The following ADAMTS13 variants were observed in gnomAD, a reference collection of about 807,000 sequenced individuals.
ADAMTS13 encodes the protein ADAM metallopeptidase with thrombospondin type 1 motif 13.
A neutral mutation model predicts 155.1 loss-of-function variants in ADAMTS13; 110 were observed. The ratio of observed to expected loss-of-function variants is 0.71; its 90% CI spans 0.61 to 0.83. The LOEUF (loss-of-function observed/expected upper bound fraction) is 0.83. ADAMTS13 is among the 40% of genes least tolerant of loss of function. The pLI is 0.00. For synonymous variants in ADAMTS13, 758 were observed against 756.4 expected (o/e 1.00, Z -0.03); for missense variants, 1,707 against 1,891.7 (o/e 0.90, Z 1.81).
chr9:133,430,130 G>C lies in ADAMTS13; in HGVS notation c.987+29G>C, dbSNP rs587616629. ...AGTCTGCCGGCGGTGGCCTGGGATT[G>C]GCTGTGAGGTCCCTCCGCATCACCC... On this transcript the variant is annotated intron_variant, in intron 8 of 28. Coordinates refer to ENST00000355699, the MANE Select transcript of ADAMTS13 (RefSeq NM_139027.6). 7 of 1,560,530 alleles carry C rather than the reference G, an allele frequency of 4.5e-6. No individual in the cohort carries two copies. In the Admixed American group the frequency reaches 1.3e-4, roughly 28 times the overall value.
chr9:133,437,052 C>A, intron 12 of ADAMTS13, 97 bp downstream of exon 12: 2 of 1,461,024 alleles, frequency 1.4e-6, no homozygotes, highest in South Asian at 1.3e-5. Flanking sequence ...ATCCCTCCAG[C>A]ACTGGGCAAA....
upstream of ADAMTS13, among the ~76,000 whole-genome samples, chr9:133,417,324 G>A (rs1291076145): frequency 6.6e-6 from 1 of 152,174 alleles, no homozygotes; most frequent in African/African-American, 2.4e-5. Context: ...GCCTGGTTTC[G>A]GGATTTTAAG....
At chr9:133,416,070 A>G (rs1839578573) in intron 1 of ADAMTS13, among the ~76,000 whole-genome samples, 3 of 152,248 alleles carry the variant, frequency 2.0e-5, no homozygotes, top group Admixed American at 6.5e-5. Flanking sequence ...ACGTTTATGT[A>G]GCTCATGGTT....
At position 133,445,042 on chromosome 9, in the gene ADAMTS13, G is replaced by T; in HGVS notation, c.2600G>T (p.Gly867Val). The change falls in exon 20 of 29, where the codon GGC becomes GTC. Residue 867 changes from glycine to valine, a missense_variant. Gly to Val is a moderately radical substitution (Grantham distance 109). Coordinates refer to ENST00000355699, the MANE Select transcript of ADAMTS13 (RefSeq NM_139027.6). This position sits in a 1 kb window ranked among gnomAD's most constrained non-coding sequence, Gnocchi z 5.0. ...TGTGTCGGGATGTCATGTCCTCCAG[G>T]CTGGGGCCATGTGAGTGCCCTGGGC... is the stretch of plus-strand genomic sequence containing the variant. ...EPCVGMSCPP[G>V]WGHLDATSAG... is the part of the protein sequence containing the mutation. 6.2e-7 allele frequency: 1 copy of T among 1,612,954 alleles called. No homozygotes were observed. Among genetic ancestry groups the T allele is most frequent in the Non-Finnish European group, 8.5e-7 (1 of 1,179,934 alleles).
At position 133,433,503 on chromosome 9, in the gene ADAMTS13, C is replaced by G; in HGVS notation, c.1218C>G (p.Thr406=). The G allele has an allele frequency of 6.2e-7, 1 of 1,613,528 alleles. No homozygotes were observed. Among genetic ancestry groups the G allele is most frequent in the East Asian group, 2.2e-5 (1 of 44,878 alleles). The change falls in exon 10 of 29, where the codon ACC becomes ACG. Residue 406 remains threonine, a synonymous_variant. Transcript: ENST00000355699. ...GCTCCTGCGGAGGAGGTGTGGTCAC[C>G]AGGAGGCGGCAGTGCAACAACCCCA... ...CSRSCGGGVV[T]RRRQCNNPRP...
Position 133,441,807 on chromosome 9 carries a change from G to A in ADAMTS13, c.1969-592G>A, listed in dbSNP as rs1362580983. 2.0e-5 allele frequency among the ~76,000 whole-genome samples: 3 copies of A among 152,152 alleles called. No individual in the cohort carries two copies. The East Asian group carries it at 5.8e-4, about 29-fold the overall frequency. ...CCAGTTTCTTCCTGCCGACCCTACG[G>A]GCCTCAGCTCTGGCTCCAGAAGCAC... On this transcript the variant is annotated intron_variant, in intron 16 of 28. Transcript: ENST00000355699. The surrounding 1 kb of genome is among the most constrained non-coding windows in gnomAD (Gnocchi z 5.0).
rs1486562335 is a variant in ADAMTS13, at chr9:133,428,993, C to T, written c.824+222C>T. Among the ~76,000 whole-genome samples, 6 of 148,530 alleles carry T rather than the reference C, an allele frequency of 4.0e-5. No homozygotes were observed. In the East Asian group the frequency reaches 1.0e-3, roughly 26 times the overall value. ...CAGCCCGCTGGGCCGCCCGCGCCACCCCTCCCTACGTCCGTCCCCACCTCT... is the reference window on the plus strand; with the variant it reads ...CAGCCCGCTGGGCCGCCCGCGCCACTCCTCCCTACGTCCGTCCCCACCTCT... On this transcript the variant is annotated intron_variant, in intron 7 of 28. Coordinates refer to ENST00000355699, the MANE Select transcript of ADAMTS13 (RefSeq NM_139027.6).
Position 133,442,600 on chromosome 9 carries a change from C to G in ADAMTS13, c.2105-14C>G. 1 of 1,613,344 alleles carries G rather than the reference C, an allele frequency of 6.2e-7. No individual in the cohort carries two copies. The stretch of plus-strand genomic sequence containing the variant: ...CTGCAGGGAGGCGGCCTAGCCCTCC[C>G]TCTTCCCTCCCAGGGCTGCGCTGGG... On this transcript the variant is annotated splice_polypyrimidine_tract_variant and intron_variant, in intron 17 of 28. Transcript: ENST00000355699.
At chr9:133,416,078 G>A (rs1839579010) in intron 1 of ADAMTS13, among the ~76,000 whole-genome samples, 1 of 152,200 alleles carries the variant, frequency 6.6e-6, no homozygotes, top group Non-Finnish European at 1.5e-5. Context: ...GTAGCTCATG[G>A]TTTTGCAGGT....
rs144178018 is a variant in ADAMTS13, at chr9:133,442,726, C to T, written c.2217C>T (p.Leu739=). 1.7e-3 allele frequency: 2,703 copies of T among 1,612,830 alleles called. 2 individuals carry two copies. Among genetic ancestry groups the T allele is most frequent in the Non-Finnish European group, 2.1e-3 (2,500 of 1,179,946 alleles). ...QPPAWPEACV[L]EPCPPYWAVG... is the part of the protein sequence containing the mutation. ...CAGCGTGGCCAGAGGCCTGCGTGCT[C>T]GAACCCTGCCCTCCCTAGTGAGTGT... is the stretch of plus-strand genomic sequence containing the variant. Residue 739 remains leucine, a synonymous_variant, in exon 18 of 29, where the codon CTC becomes CTT. Coordinates refer to ENST00000355699, the MANE Select transcript of ADAMTS13 (RefSeq NM_139027.6).
rs1158328836 is a variant in ADAMTS13, at chr9:133,424,723, C to G, written c.330+245C>G. Reference sequence around the variant, plus strand: ...CTCAAGTCCCTTCACCTGGGGCCACCCTCAAGCCTGGCCTCTTCCCCAGTA... The same window carrying G: ...CTCAAGTCCCTTCACCTGGGGCCACGCTCAAGCCTGGCCTCTTCCCCAGTA... On this transcript the variant is annotated intron_variant, in intron 3 of 28. Coordinates refer to ENST00000355699, the MANE Select transcript of ADAMTS13 (RefSeq NM_139027.6). This position sits in a 1 kb window ranked among gnomAD's most constrained non-coding sequence, Gnocchi z 4.3. Among the ~76,000 whole-genome samples the G allele has an allele frequency of 3.3e-5, 5 of 152,162 alleles. No homozygotes were observed. The highest frequency in any genetic ancestry group is 7.3e-5 in the Non-Finnish European group (5 of 68,034).
rs1554796284 is a variant in ADAMTS13, at chr9:133,456,983, C to T, written c.3724+264C>T. ...ACATGGTCCACATCCTCAGTCAGTC[C>T]CTCAGGCCTCTGCCCCACACCCACC... On this transcript the variant is annotated intron_variant, in intron 27 of 28. Coordinates refer to ENST00000355699, the MANE Select transcript of ADAMTS13 (RefSeq NM_139027.6). The surrounding 1 kb of genome is among the most constrained non-coding windows in gnomAD (Gnocchi z 4.4). 1.7e-6 allele frequency: 1 copy of T among 593,052 alleles called. No homozygotes were observed. The highest frequency in any genetic ancestry group is 2.3e-5 in the Admixed American group (1 of 44,302). 36.7% of individuals were successfully genotyped at this position (593,052 alleles called of 1,614,324 possible).
rs1841368202 is a variant in ADAMTS13 at position 133,437,880 on chromosome 9, G to T, written c.1567G>T (p.Val523Leu). 6.2e-7 allele frequency: 1 copy of T among 1,613,612 alleles called. No individual in the cohort carries two copies. The change falls in exon 13 of 29, where the codon GTG (valine) becomes TTG (leucine). Residue 523 changes from valine (V) to leucine (L), a missense_variant. Physicochemically the swap from Val to Leu is conservative, Grantham distance 32 (BLOSUM62 1). This residue lies in a region of ADAMTS13 where 733 missense variants were observed against 749.6 expected (regional missense o/e 0.98). Coordinates refer to ENST00000355699, the MANE Select transcript of ADAMTS13 (RefSeq NM_139027.6). ...PREDGTLSLC[V>L]SGSCRTFGCD... ...GGAGGACGGGACCCTGAGCCTGTGT[G>T]TGTCGGGCAGCTGCAGGGTAGGCGT...
chr9:133,423,081 C>A lies in ADAMTS13; in HGVS notation c.106-20C>A. 2 of 1,612,706 alleles carry A rather than the reference C, an allele frequency of 1.2e-6. No homozygotes were observed. Among genetic ancestry groups the A allele is most frequent in the South Asian group, 2.2e-5 (2 of 91,054 alleles). Reference sequence around the variant, plus strand: ...CAGAGCCACTATGCCCGGCCCCATCCATCTCTTTTTGTCTTGCAGAGTTGT... The same window carrying A: ...CAGAGCCACTATGCCCGGCCCCATCAATCTCTTTTTGTCTTGCAGAGTTGT... On this transcript the variant is annotated intron_variant, in intron 1 of 28. Coordinates refer to ENST00000355699, the MANE Select transcript of ADAMTS13 (RefSeq NM_139027.6).
Position 133,459,338 on chromosome 9 carries a change from A to G in ADAMTS13, c.*158A>G. On this transcript the variant is annotated 3_prime_UTR_variant, in exon 29 of 29. Transcript: ENST00000355699. ...GGGGTTGGAGGTGGGGACTCTGGAA[A>G]AGCAGCCCCCATTTCCTCGGGTACC... 1 of 788,202 alleles carries G rather than the reference A, an allele frequency of 1.3e-6. No individual in the cohort carries two copies. Among genetic ancestry groups the G allele is most frequent in the Non-Finnish European group, 2.1e-6 (1 of 465,376 alleles). 48.8% of individuals were successfully genotyped at this position (788,202 alleles called of 1,614,324 possible).
chr9:133,455,224 C>T (rs1554795373), intron 24 of ADAMTS13, 61 bp from the exon 25 acceptor site: 5 of 1,562,120 alleles, frequency 3.2e-6, no homozygotes, highest in Non-Finnish European at 3.5e-6. Context: ...CCTGTGGTTA[C>T]CACTGTCCTT....
At chr9:133,421,376 T>C (rs1472516702), upstream of ADAMTS13, among the ~76,000 whole-genome samples, 2 of 152,234 alleles carry the variant, frequency 1.3e-5, no homozygotes, top group Non-Finnish European at 2.9e-5. Flanking sequence ...ACAGCCTCCT[T>C]ACCTTCCTGC....
At position 133,428,763 on chromosome 9, in the gene ADAMTS13, C is replaced by T. The variant is rs1344972182; in HGVS notation, c.816C>T (p.Ser272=). ...WSPCSRRQLL[S]LLSAGRARCV... ...CCTGCAGCCGCCGGCAGCTGCTGAG[C>T]CTGCTCAGGTAGCGGCCGCCCCGTG... is the stretch of plus-strand genomic sequence containing the variant. The change falls in exon 7 of 29, where the codon AGC becomes AGT. Residue 272 remains serine (S), a synonymous_variant. Transcript: ENST00000355699. 5.2e-6 allele frequency: 7 copies of T among 1,347,738 alleles called. No individual in the cohort carries two copies. The South Asian group carries it at 1.2e-4, about 24-fold the overall frequency. 83.5% of individuals were successfully genotyped at this position (1,347,738 alleles called of 1,614,324 possible).
At chr9:133,417,501 C>G (rs782016621), upstream of ADAMTS13, 36 of 1,062,106 alleles carry the variant, frequency 3.4e-5, no homozygotes, top group Non-Finnish European at 5.0e-5. Context: ...AAGCTGTTTA[C>G]AAGATTTCGA....
Sources: allele counts gnomAD v4.1 joint callset (sites outside exome capture counted in the v4.1 genomes callset), GRCh38; gene constraint gnomAD v4.1.1; regional missense constraint gnomAD v4.1.1; non-coding constraint Gnocchi (gnomAD v3.1); transcripts MANE v1.5; gene names NCBI Gene and HGNC (gene_info 2026-07-23, HGNC 2026-07-21).